Variants in PALM2AKAP2 observed in about 807,000 individuals in gnomAD.
PALM2AKAP2 encodes PALM2-AKAP2 fusion protein.
In PALM2AKAP2, 37 loss-of-function variants were observed where a neutral mutation model predicts 71.5. That is an observed-to-expected ratio of 0.52 (90% CI 0.40 to 0.68). The LOEUF is 0.68. PALM2AKAP2 is among the 30% of genes least tolerant of loss of function. PALM2AKAP2 has a pLI of 0.00. For synonymous variants in PALM2AKAP2, 468 were observed against 478.8 expected (o/e 0.98, Z 0.29); for missense variants, 1,224 against 1,191.8 (o/e 1.03, Z -0.40).
At chr9:110,101,573 A>T (rs7866143) in intron 1 of PALM2AKAP2, among the ~76,000 whole-genome samples, 2 of 152,102 alleles carry the variant, frequency 1.3e-5, no homozygotes, top group Admixed American at 6.5e-5. Context: ...CTCCATGGAT[A>T]ACCCAGGCCA....
At chr9:110,099,478 T>C (rs7865972) in intron 1 of PALM2AKAP2, among the ~76,000 whole-genome samples, 34,094 of 152,132 alleles carry the variant, frequency 0.22, 5,143 homozygotes, top group African/African-American at 0.42. Flanking sequence ...AACTATCTTT[T>C]GGAAGGATAC....
chr9:109,926,750 G>C (rs1226837436), intron 5 of PALM2AKAP2, among the ~76,000 whole-genome samples: 1 of 152,026 alleles, frequency 6.6e-6, no homozygotes, highest in African/African-American at 2.4e-5. Flanking sequence ...CTGATACTTA[G>C]GGAAGGGAAA....
chr9:109,752,971 G>A lies in PALM2AKAP2; in HGVS notation c.6-27517G>A, dbSNP rs563587551. 7.9e-5 allele frequency among the ~76,000 whole-genome samples: 12 copies of A among 152,214 alleles called. No individual in the cohort carries two copies. In the South Asian group the frequency reaches 2.5e-3, roughly 32 times the overall value. On this transcript the variant is annotated intron_variant, in intron 1 of 6. Coordinates refer to the PALM2AKAP2 transcript ENST00000374531. Reference sequence around the variant, plus strand: ...AGGAGTACTAGCTGGTCAAGAAGAGGAGAGGCAAGTTCAAGAACTGCCTGT... The same window carrying A: ...AGGAGTACTAGCTGGTCAAGAAGAGAAGAGGCAAGTTCAAGAACTGCCTGT...
At chr9:109,882,838 A>T (rs1033064831) in intron 3 of PALM2AKAP2, among the ~76,000 whole-genome samples, 1 of 151,962 alleles carries the variant, frequency 6.6e-6, no homozygotes, top group African/African-American at 2.4e-5. Context: ...TGGTAGAGAA[A>T]GAGTCTCACT....
chr9:109,740,668 C>A (rs942648585), intron 1 of PALM2AKAP2, among the ~76,000 whole-genome samples: 1 of 152,110 alleles, frequency 6.6e-6, no homozygotes, highest in Non-Finnish European at 1.5e-5. Context: ...TTTGCCTTTT[C>A]TTTTTAGACG....
chr9:110,105,025 A>G (rs965955405), intron 1 of PALM2AKAP2, among the ~76,000 whole-genome samples: 2 of 152,246 alleles, frequency 1.3e-5, no homozygotes. Flanking sequence ...TAGATTATAT[A>G]GTGTCATCCT....
At chr9:109,921,330 A>G (rs547747984) in intron 3 of PALM2AKAP2, among the ~76,000 whole-genome samples, 37 of 152,094 alleles carry the variant, frequency 2.4e-4, no homozygotes, top group Non-Finnish European at 4.7e-4. Flanking sequence ...GGGGCCAGAA[A>G]ATTCTTTGCT....
chr9:110,082,970 C>T (rs567872997), intron 1 of PALM2AKAP2, among the ~76,000 whole-genome samples: 2 of 152,114 alleles, frequency 1.3e-5, no homozygotes, highest in South Asian at 2.1e-4. Flanking sequence ...GGAGAAACCC[C>T]GTCTCTACTA....
At chr9:109,979,340 C>T (rs138723856) in intron 6 of PALM2AKAP2, among the ~76,000 whole-genome samples, 33 of 152,246 alleles carry the variant, frequency 2.2e-4, no homozygotes, top group Admixed American at 1.6e-3. Context: ...GGAGGAAGAA[C>T]GCAAGCCTTG....
chr9:110,088,080 G>A (rs1485519571), intron 1 of PALM2AKAP2, among the ~76,000 whole-genome samples: 2 of 152,280 alleles, frequency 1.3e-5, no homozygotes, highest in South Asian at 4.1e-4. Context: ...AACAAAGGAA[G>A]GAAAGAATGA....
chr9:109,750,570 A>ATGTGTGTG (rs746154004), intron 1 of PALM2AKAP2, among the ~76,000 whole-genome samples: 4 of 97,764 alleles, frequency 4.1e-5, no homozygotes, highest in African/African-American at 7.9e-5. Flanking sequence ...CTGCCCTAGG[A>ATGTGTGTG]CGTGTGTGTG....
intron 1 of PALM2AKAP2, among the ~76,000 whole-genome samples, chr9:110,051,455 A>G (rs879690312): frequency 6.6e-6 from 1 of 152,248 alleles, no homozygotes; most frequent in Non-Finnish European, 1.5e-5. Flanking sequence ...TATTGTCTAG[A>G]TAATTACAAT....
At chr9:109,689,200 CTTTTTTTT>C (rs200092612) in intron 1 of PALM2AKAP2, among the ~76,000 whole-genome samples, 2 of 134,138 alleles carry the variant, frequency 1.5e-5, no homozygotes, top group Admixed American at 7.6e-5. Flanking sequence ...TTTTTCTTTT[CTTTTTTTT>C]TTTTTTTTTT....
chr9:110,141,579 G>A (rs1969944), intron 2 of PALM2AKAP2, among the ~76,000 whole-genome samples: 124,596 of 152,184 alleles, frequency 0.82, 51,179 homozygotes, highest in African/African-American at 0.88. Flanking sequence ...AGGCTGACAC[G>A]TGACTCTGAG....
At chr9:109,967,469 G>A (rs1256794512) in intron 6 of PALM2AKAP2, among the ~76,000 whole-genome samples, 1 of 151,706 alleles carries the variant, frequency 6.6e-6, no homozygotes, top group African/African-American at 2.4e-5. Flanking sequence ...GAGTGCAGTG[G>A]CACGATCTTG....
chr9:109,721,740 A>G (rs1023627826), intron 1 of PALM2AKAP2, among the ~76,000 whole-genome samples: 1 of 152,206 alleles, frequency 6.6e-6, no homozygotes, highest in Non-Finnish European at 1.5e-5. Context: ...GATCTAGTGG[A>G]AAGCCTACAT....
intron 3 of PALM2AKAP2, among the ~76,000 whole-genome samples, chr9:109,892,248 T>A (rs548615681): frequency 6.6e-6 from 1 of 152,164 alleles, no homozygotes; most frequent in South Asian, 2.1e-4. Flanking sequence ...ATTCCTTGGC[T>A]TGTGGCTGTG....
intron 7 of PALM2AKAP2, among the ~76,000 whole-genome samples, chr9:110,032,844 G>C (rs1833311876): frequency 6.6e-6 from 1 of 151,900 alleles, no homozygotes; most frequent in Non-Finnish European, 1.5e-5. Flanking sequence ...AGACAGGTGG[G>C]AGAATCACTT....
intron 1 of PALM2AKAP2, among the ~76,000 whole-genome samples, chr9:110,095,552 T>C (rs10980194): frequency 0.12 from 17,683 of 152,076 alleles, 1,113 homozygotes; most frequent in Middle Eastern, 0.22. Context: ...TGGAATTTCA[T>C]GTGGACCCTC....
Sources: gnomAD v4.1 joint callset for allele counts (sites outside exome capture counted in the v4.1 genomes callset) on GRCh38, gnomAD v4.1.1 for gene constraint, MANE v1.5 for transcripts, NCBI Gene and HGNC (gene_info 2026-07-23, HGNC 2026-07-21) for gene names.